CHL1: variants seen among roughly 807,000 people sequenced by gnomAD.
CHL1 encodes the protein neural cell adhesion molecule L1-like protein.
In CHL1, 96 loss-of-function variants were observed where a neutral mutation model predicts 141.9. That is an observed-to-expected ratio of 0.68 (90% CI 0.57 to 0.80). The LOEUF (loss-of-function observed/expected upper bound fraction) is 0.80, where lower values mean the gene tolerates loss of function less well. Among genes scored for constraint, CHL1 ranks in the 30% least tolerant of loss-of-function variants. CHL1 has a pLI of 0.00. For missense variants in CHL1, 1,820 were observed against 1,457.2 expected, an observed-to-expected ratio of 1.25 and a Z score of -4.05; for synonymous variants, 613 against 502.2, an observed-to-expected ratio of 1.22 and a Z score of -2.95.
chr3:318,015 G>A (rs1047868647), intron 2 of CHL1, among the ~76,000 whole-genome samples: 8 of 151,880 alleles, frequency 5.3e-5, no homozygotes, highest in African/African-American at 1.4e-4. Flanking sequence ...CCCATTTTAA[G>A]ATGGGTCAGT....
intron 15 of CHL1, chr3:373,829 C>G (rs1376811221): frequency 6.6e-6 from 1 of 152,236 alleles, no homozygotes; most frequent in Non-Finnish European, 1.5e-5. Context: ...CCTCCCTTGG[C>G]TGGGGGGAAG....
intron 1 of CHL1, among the ~76,000 whole-genome samples, chr3:243,863 GC>G (rs1306124110): frequency 2.0e-5 from 3 of 152,092 alleles, no homozygotes; most frequent in Non-Finnish European, 2.9e-5. Context: ...CAGCTGGTAT[GC>G]AAAAAAATGT....
intron 2 of CHL1, among the ~76,000 whole-genome samples, chr3:272,384 T>G (rs1450207100): frequency 2.6e-5 from 4 of 152,204 alleles, no homozygotes. Flanking sequence ...TTAGGTTTGG[T>G]AATAGAAATA....
At chr3:401,930 C>G (rs570779005) in intron 27 of CHL1, among the ~76,000 whole-genome samples, 4 of 152,282 alleles carry the variant, frequency 2.6e-5, no homozygotes, top group African/African-American at 7.2e-5. Flanking sequence ...AGGTAGGACA[C>G]TTTTCTTGAA....
intron 2 of CHL1, among the ~76,000 whole-genome samples, chr3:292,807 G>A (rs1697813237): frequency 6.6e-6 from 1 of 152,074 alleles, no homozygotes. Flanking sequence ...GGCGCCACAC[G>A]CTTCTAAACA....
At chr3:380,040 C>G (rs1455392322) in intron 16 of CHL1, among the ~76,000 whole-genome samples, 1 of 152,142 alleles carries the variant, frequency 6.6e-6, no homozygotes, top group Admixed American at 6.5e-5. Context: ...GCAAGTTCAT[C>G]AGTTCTAGCT....
intron 15 of CHL1, among the ~76,000 whole-genome samples, chr3:369,829 G>C (rs1705395257): frequency 6.6e-6 from 1 of 152,150 alleles, no homozygotes; most frequent in Non-Finnish European, 1.5e-5. Flanking sequence ...TTTTATCAAA[G>C]GCCTTTTCTG....
At position 263,234 on chromosome 3, in the gene CHL1, A is replaced by G. The variant is rs151015934; in HGVS notation, c.-95+18542A>G. ...CCCCGAGACTGCTGGTGATTTAGCAAGTGAACTCCTTGCCAGTTGTAAGAG... is the reference window on the plus strand; with the variant it reads ...CCCCGAGACTGCTGGTGATTTAGCAGGTGAACTCCTTGCCAGTTGTAAGAG... On this transcript the variant is annotated intron_variant, in intron 2 of 27. Coordinates refer to ENST00000256509, the MANE Select transcript of CHL1 (RefSeq NM_006614.4). 1.6e-3 allele frequency among the ~76,000 whole-genome samples: 251 copies of G among 152,246 alleles called. 2 individuals are homozygous for G. The highest frequency in any genetic ancestry group is 5.8e-3 in the African/African-American group (239 of 41,552).
rs141854523 is a variant in CHL1 at position 309,123 on chromosome 3, G to A, written c.-94-10560G>A. On this transcript the variant is annotated intron_variant, in intron 2 of 27. Transcript: ENST00000256509. The stretch of plus-strand genomic sequence containing the variant: ...TCGTTTTGCGAGTGCAACACTCCCA[G>A]CCACAGAAGTTCCCGGGTCCAGCCT... 918 of 152,518 alleles carry A rather than the reference G, an allele frequency of 6.0e-3. 11 individuals are homozygous for A. Among genetic ancestry groups the A allele is most frequent in the Admixed American group, 8.6e-3 (132 of 15,278 alleles). The allele number at this position is 152,518 out of a possible 1,614,324, so 9.4% of individuals were successfully genotyped here. A position where few individuals can be genotyped will look rare whatever the true frequency, so the allele number is the denominator to read the frequency against.
At chr3:360,910 A>G (rs1224448609) in intron 12 of CHL1, among the ~76,000 whole-genome samples, 1 of 151,274 alleles carries the variant, frequency 6.6e-6, no homozygotes, top group Non-Finnish European at 1.5e-5. Context: ...GTCCCTACAA[A>G]GGACATGAAC....
intron 2 of CHL1, among the ~76,000 whole-genome samples, chr3:312,725 G>A (rs1699851157): frequency 6.6e-6 from 1 of 152,086 alleles, no homozygotes; most frequent in African/African-American, 2.4e-5. Flanking sequence ...AATGTCAAAT[G>A]GCTTTATATA....
At position 354,739 on chromosome 3, in the gene CHL1, T is replaced by G. The variant is rs768140281; in HGVS notation, c.1133T>G (p.Ile378Ser). 6 of 1,613,776 alleles carry G rather than the reference T, an allele frequency of 3.7e-6. No individual in the cohort carries two copies. The highest frequency in any genetic ancestry group is 1.7e-5 in the Admixed American group (1 of 59,970). The change falls in exon 11 of 28, where the codon ATC (isoleucine) becomes AGC (serine). Residue 378 changes from isoleucine to serine, a missense_variant. By Grantham distance (142) the Ile-to-Ser change is moderately radical. Coordinates refer to ENST00000256509, the MANE Select transcript of CHL1 (RefSeq NM_006614.4). ...CEAEGEPQPT[I>S]KWRVNGSPVD... ...GCTGAAGGAGAACCTCAACCCACAA[T>G]CAAGTGGAGAGTCAATGGCTCCCCA...
intron 5 of CHL1, among the ~76,000 whole-genome samples, chr3:329,142 A>G (rs1028385884): frequency 1.3e-5 from 2 of 152,044 alleles, no homozygotes; most frequent in Non-Finnish European, 2.9e-5. Context: ...ACCACCTTTT[A>G]TATTTTATCA....
intron 9 of CHL1, among the ~76,000 whole-genome samples, chr3:346,483 T>A (rs1229246929): frequency 6.6e-6 from 1 of 152,204 alleles, no homozygotes; most frequent in Non-Finnish European, 1.5e-5. Flanking sequence ...TTTTTTCTTA[T>A]TTCCCACAAA....
intron 2 of CHL1, among the ~76,000 whole-genome samples, chr3:296,774 T>G (rs545182723): frequency 1.9e-4 from 29 of 152,162 alleles, no homozygotes; most frequent in Non-Finnish European, 3.7e-4. Context: ...AACAAAACAC[T>G]GTAAGGGGGA....
intron 2 of CHL1, among the ~76,000 whole-genome samples, chr3:268,771 T>C (rs1459375399): frequency 2.6e-5 from 4 of 152,278 alleles, no homozygotes; most frequent in South Asian, 4.1e-4. Flanking sequence ...TAAAGAATCT[T>C]CGGAATTATT....
At chr3:235,049 A>T (rs13079827) in intron 1 of CHL1, among the ~76,000 whole-genome samples, 75,843 of 151,076 alleles carry the variant, frequency 0.5, 20,634 homozygotes, top group Non-Finnish European at 0.61. Context: ...ACATGTGCAC[A>T]TTGTGCAGGT....
chr3:206,037 C>G (rs1425403065), intron 1 of CHL1, among the ~76,000 whole-genome samples: 1 of 152,230 alleles, frequency 6.6e-6, no homozygotes. Flanking sequence ...TGGACTAACA[C>G]TCTTTCCTGT....
Position 391,804 on chromosome 3 carries a change from A to T in CHL1, c.2914+7A>T. 1 of 1,576,384 alleles carries T rather than the reference A, an allele frequency of 6.3e-7. No homozygotes were observed. On this transcript the variant is annotated splice_region_variant and intron_variant, in intron 23 of 27. Coordinates refer to ENST00000256509, the MANE Select transcript of CHL1 (RefSeq NM_006614.4). Reference sequence around the variant, plus strand: ...CTTTTGCAATATCAGATAAGTAAGTAGAAATTTGAATTGGAGTTAACTTGT... The same window carrying T: ...CTTTTGCAATATCAGATAAGTAAGTTGAAATTTGAATTGGAGTTAACTTGT...
Sources: gnomAD v4.1 joint callset for allele counts (sites outside exome capture counted in the v4.1 genomes callset) on GRCh38, gnomAD v4.1.1 for gene constraint, MANE v1.5 for transcripts, NCBI Gene and HGNC (gene_info 2026-07-23, HGNC 2026-07-21) for gene names.